Variants in SCEL observed in about 807,000 individuals in gnomAD.
SCEL encodes sciellin.
Under a neutral mutation model 117.6 loss-of-function variants are expected in SCEL, and 113 were observed. That is an observed-to-expected ratio of 0.96 (90% CI 0.83 to 1.12). The LOEUF is 1.12. SCEL is among the 50% of genes most tolerant of loss of function. The probability of loss-of-function intolerance (pLI) is 0.00; values close to 1 mark genes in which losing one functional copy is unlikely to be tolerated. For missense variants in SCEL, 785 were observed against 810.8 expected, an observed-to-expected ratio of 0.97 and a Z score of 0.39; for synonymous variants, 270 against 256.2, an observed-to-expected ratio of 1.05 and a Z score of -0.51.
At chr13:77,623,083 A>G (rs531102569) in intron 27 of SCEL, among the ~76,000 whole-genome samples, 4 of 152,342 alleles carry the variant, frequency 2.6e-5, no homozygotes, top group Non-Finnish European at 5.9e-5. Flanking sequence ...CTGCATTTCT[A>G]TAAAAATCTA....
intron 28 of SCEL, among the ~76,000 whole-genome samples, chr13:77,630,233 C>T (rs957685986): frequency 6.6e-6 from 1 of 152,114 alleles, no homozygotes; most frequent in African/African-American, 2.4e-5. Context: ...GGTACTTTTT[C>T]TGAGACTCAA....
intron 1 of SCEL, among the ~76,000 whole-genome samples, chr13:77,541,922 T>G (rs1183769805): frequency 6.6e-6 from 1 of 152,260 alleles, no homozygotes; most frequent in Admixed American, 6.5e-5. Context: ...GGTCAAAATT[T>G]GAGTTTTTAC....
At chr13:77,557,583 A>G (rs948519565) in intron 3 of SCEL, among the ~76,000 whole-genome samples, 2 of 152,238 alleles carry the variant, frequency 1.3e-5, no homozygotes, top group African/African-American at 4.8e-5. Flanking sequence ...ATAGCTATTT[A>G]GTGGTAGAGT....
intron 23 of SCEL, 71 bp downstream of exon 23, chr13:77,613,012 T>A: frequency 1.1e-6 from 1 of 888,094 alleles, no homozygotes; most frequent in East Asian, 2.8e-5. Context: ...AGATTAATTA[T>A]TTAACTAAAG....
chr13:77,620,268 G>A (rs1594144043), intron 27 of SCEL, among the ~76,000 whole-genome samples: 1 of 152,248 alleles, frequency 6.6e-6, no homozygotes, highest in South Asian at 2.1e-4. Context: ...AATTGGTTCA[G>A]CCACCCGTAT....
At chr13:77,642,492 T>TTTTG (rs1387281947) in intron 31 of SCEL, among the ~76,000 whole-genome samples, 1 of 152,196 alleles carries the variant, frequency 6.6e-6, no homozygotes, top group African/African-American at 2.4e-5. Flanking sequence ...CTTTGTGTTT[T>TTTTG]TTTGTTTGTT....
chr13:77,604,454 A>G (rs1164289408), intron 19 of SCEL, 39 bp downstream of exon 19: 6 of 1,485,406 alleles, frequency 4.0e-6, no homozygotes, highest in Non-Finnish European at 5.4e-6. Flanking sequence ...TTTGTTTGGC[A>G]TTTAGAAGGA....
intron 9 of SCEL, among the ~76,000 whole-genome samples, chr13:77,581,030 A>G (rs557370655): frequency 6.6e-6 from 1 of 152,298 alleles, no homozygotes; most frequent in East Asian, 1.9e-4. Flanking sequence ...AACCTTTCTA[A>G]TTATGCTGCA....
intron 9 of SCEL, among the ~76,000 whole-genome samples, chr13:77,588,068 T>C (rs183060261): frequency 5.3e-5 from 8 of 152,222 alleles, no homozygotes; most frequent in Non-Finnish European, 2.9e-5. Flanking sequence ...TATTCTGTTT[T>C]ATTATTATTA....
intron 1 of SCEL, among the ~76,000 whole-genome samples, chr13:77,541,801 T>C (rs374758394): frequency 1.1e-4 from 16 of 152,338 alleles, no homozygotes; most frequent in East Asian, 9.6e-4. Context: ...GTGAGAAAGA[T>C]TTATGTTGTG....
At chr13:77,557,911 A>G (rs2084752501) in intron 3 of SCEL, among the ~76,000 whole-genome samples, 1 of 152,228 alleles carries the variant, frequency 6.6e-6, no homozygotes, top group Non-Finnish European at 1.5e-5. Flanking sequence ...ATTCTTGTGA[A>G]TGTTAAATTT....
chr13:77,583,964 T>C (rs191256961), intron 9 of SCEL, among the ~76,000 whole-genome samples: 111 of 152,342 alleles, frequency 7.3e-4, no homozygotes, highest in African/African-American at 2.5e-3. Context: ...TCTGCAAGTG[T>C]TCACATGTTT....
intron 1 of SCEL, among the ~76,000 whole-genome samples, chr13:77,537,766 T>A (rs1030331567): frequency 6.6e-6 from 1 of 152,178 alleles, no homozygotes; most frequent in Non-Finnish European, 1.5e-5. Flanking sequence ...GGGGACTATG[T>A]AAACAAAACA....
At chr13:77,627,064 A>C (rs1245849320) in intron 27 of SCEL, among the ~76,000 whole-genome samples, 1 of 152,228 alleles carries the variant, frequency 6.6e-6, no homozygotes, top group Non-Finnish European at 1.5e-5. Context: ...TATAAGAATC[A>C]AATTACTCCA....
At position 77,543,249 on chromosome 13, in the gene SCEL, A is replaced by G. The variant is rs896451588; in HGVS notation, c.-20+7425A>G. Among the ~76,000 whole-genome samples, 14 of 151,224 alleles carry G rather than the reference A, an allele frequency of 9.3e-5. No homozygotes were observed. In the East Asian group the frequency reaches 2.5e-3, roughly 27 times the overall value. On this transcript the variant is annotated intron_variant, in intron 1 of 32. Transcript: ENST00000349847. ...CAGGCGCCCACCACCACGCCCGGCT[A>G]ATTTTTTGTATTTTTAGTAGAGACG...
At chr13:77,539,307 G>A (rs1339314953) in intron 1 of SCEL, among the ~76,000 whole-genome samples, 1 of 150,668 alleles carries the variant, frequency 6.6e-6, no homozygotes, top group Non-Finnish European at 1.5e-5. Context: ...ATTACATAAT[G>A]GGACATATAT....
At chr13:77,597,376 T>C (rs2087305995) in intron 12 of SCEL, among the ~76,000 whole-genome samples, 169 bp from the exon 13 acceptor site, 2 of 151,940 alleles carry the variant, frequency 1.3e-5, no homozygotes, top group African/African-American at 4.9e-5. Context: ...AGGAAAGGCT[T>C]TCTGGAGAAA....
intron 3 of SCEL, among the ~76,000 whole-genome samples, chr13:77,559,299 T>C (rs1386736561): frequency 4.6e-5 from 7 of 152,236 alleles, no homozygotes; most frequent in Non-Finnish European, 1.0e-4. Context: ...AGGTCTCCTG[T>C]GAATTATAAA....
chr13:77,606,750 A>G (rs542115476), intron 19 of SCEL, among the ~76,000 whole-genome samples: 1 of 152,294 alleles, frequency 6.6e-6, no homozygotes, highest in African/African-American at 2.4e-5. Flanking sequence ...GTTGCTTCCA[A>G]ATATCTGTAT....
Sources: allele counts gnomAD v4.1 joint callset (sites outside exome capture counted in the v4.1 genomes callset), GRCh38; gene constraint gnomAD v4.1.1; transcripts MANE v1.5; gene names NCBI Gene and HGNC (gene_info 2026-07-23, HGNC 2026-07-21).